The following PAMR1 variants were observed in gnomAD, a reference collection of about 807,000 sequenced individuals.
The protein encoded by PAMR1 is peptidase domain containing associated with muscle regeneration 1.
PAMR1 carries 88 observed loss-of-function variants against 81.8 expected under a neutral mutation model. The observed-to-expected ratio is 1.08, with a 90% CI of 0.91 to 1.28. PAMR1 has a LOEUF of 1.28. Among genes scored for constraint, PAMR1 ranks in the 50% most tolerant of loss-of-function variants. The pLI, the probability that PAMR1 is intolerant of heterozygous loss-of-function variation, is 0.00. For synonymous variants in PAMR1, 336 were observed against 345.3 expected (o/e 0.97, Z 0.30); for missense variants, 935 against 919.7 (o/e 1.02, Z -0.21).
At chr11:35,459,747 AG>A (rs140013437) in intron 6 of PAMR1, among the ~76,000 whole-genome samples, 3,027 of 152,300 alleles carry the variant, frequency 0.02, 117 homozygotes, top group African/African-American at 0.069. Flanking sequence ...AAGAAGCTGT[AG>A]CTGGAAACTG....
chr11:35,508,119 G>T (rs576646739), intron 1 of PAMR1, among the ~76,000 whole-genome samples: 6 of 152,296 alleles, frequency 3.9e-5, no homozygotes, highest in African/African-American at 1.4e-4. Flanking sequence ...GCTGTTGCCA[G>T]GGGTATTTTT....
chr11:35,508,030 G>T (rs765452924), intron 1 of PAMR1, among the ~76,000 whole-genome samples: 3 of 152,168 alleles, frequency 2.0e-5, no homozygotes, highest in Non-Finnish European at 4.4e-5. Flanking sequence ...CTCTGATTTG[G>T]TGTTTCTTTT....
At chr11:35,509,147 C>T (rs1378819633) in intron 1 of PAMR1, among the ~76,000 whole-genome samples, 1 of 152,188 alleles carries the variant, frequency 6.6e-6, no homozygotes, top group African/African-American at 2.4e-5. Flanking sequence ...AACTTTGTTC[C>T]TTCCCCTCTG....
intron 1 of PAMR1, among the ~76,000 whole-genome samples, chr11:35,510,744 T>C (rs1425529008): frequency 6.6e-6 from 1 of 152,256 alleles, no homozygotes; most frequent in Non-Finnish European, 1.5e-5. Flanking sequence ...ACGAACGTTT[T>C]CTCTTGGCAT....
At chr11:35,459,881 T>C (rs545940707) in intron 6 of PAMR1, among the ~76,000 whole-genome samples, 3 of 152,356 alleles carry the variant, frequency 2.0e-5, no homozygotes, top group African/African-American at 7.2e-5. Flanking sequence ...CAGTGCCTGG[T>C]ACCTCATAGA....
chr11:35,449,651 A>G (rs1233633231), intron 6 of PAMR1, among the ~76,000 whole-genome samples: 1 of 152,154 alleles, frequency 6.6e-6, no homozygotes, highest in Non-Finnish European at 1.5e-5. Flanking sequence ...GGCAGTCTCC[A>G]GCCTGCTGCC....
intron 8 of PAMR1, among the ~76,000 whole-genome samples, chr11:35,437,228 T>C (rs1381260903): frequency 6.6e-6 from 1 of 152,152 alleles, no homozygotes; most frequent in African/African-American, 2.4e-5. Context: ...CCTGAAAAGT[T>C]GAAAGTCCTT....
At chr11:35,520,330 A>G (rs627119) in intron 1 of PAMR1, among the ~76,000 whole-genome samples, 61,459 of 152,024 alleles carry the variant, frequency 0.4, 13,443 homozygotes, top group East Asian at 0.69. Context: ...TCAGAGATTA[A>G]TATCTCCAGC....
chr11:35,515,626 T>C (rs1365800133), intron 1 of PAMR1, among the ~76,000 whole-genome samples: 1 of 152,092 alleles, frequency 6.6e-6, no homozygotes, highest in African/African-American at 2.4e-5. Flanking sequence ...GTGTTTGGGG[T>C]GGAGCATCAT....
chr11:35,498,964 C>T (rs1850779120), intron 1 of PAMR1, among the ~76,000 whole-genome samples: 1 of 152,210 alleles, frequency 6.6e-6, no homozygotes, highest in Non-Finnish European at 1.5e-5. Flanking sequence ...TCTCATTTAC[C>T]TGCTGACTGT....
At chr11:35,493,182 TCCC>T (rs1850661587) in intron 2 of PAMR1, among the ~76,000 whole-genome samples, 1 of 152,128 alleles carries the variant, frequency 6.6e-6, no homozygotes, top group Non-Finnish European at 1.5e-5. Context: ...TTTATTAAGG[TCCC>T]CATTATTTCT....
chr11:35,447,816 G>A (rs1385250263), intron 6 of PAMR1, among the ~76,000 whole-genome samples: 1 of 152,124 alleles, frequency 6.6e-6, no homozygotes. Context: ...CTTCCTTCAG[G>A]AGCTCTTGCA....
At chr11:35,436,609 C>T (rs1856051471) in intron 8 of PAMR1, among the ~76,000 whole-genome samples, 1 of 151,864 alleles carries the variant, frequency 6.6e-6, no homozygotes, top group African/African-American at 2.4e-5. Flanking sequence ...CATTCTGTGT[C>T]TCTCTGTTTC....
At chr11:35,445,989 A>G (rs984519824) in intron 6 of PAMR1, among the ~76,000 whole-genome samples, 1 of 152,080 alleles carries the variant, frequency 6.6e-6, no homozygotes, top group Non-Finnish European at 1.5e-5. Context: ...GTAGGCTATT[A>G]ATTACTACCT....
At chr11:35,454,147 A>G (rs1046415929) in intron 6 of PAMR1, among the ~76,000 whole-genome samples, 1 of 152,196 alleles carries the variant, frequency 6.6e-6, no homozygotes, top group African/African-American at 2.4e-5. Flanking sequence ...TGAACACTTA[A>G]GTCTCCCAGA....
At chr11:35,438,069 T>TG (rs1200029980) in intron 8 of PAMR1, among the ~76,000 whole-genome samples, 1 of 152,208 alleles carries the variant, frequency 6.6e-6, no homozygotes, top group Non-Finnish European at 1.5e-5. Context: ...GAGAAATCAC[T>TG]GTCCGATGAA....
intron 1 of PAMR1, 33 bp from the exon 2 acceptor site, chr11:35,494,305 C>T: frequency 6.3e-7 from 1 of 1,575,844 alleles, no homozygotes. Flanking sequence ...GAGGCTAGGT[C>T]CTGGCAGGGA....
intron 6 of PAMR1, chr11:35,451,763 C>T (rs1856422566): frequency 1.9e-6 from 1 of 531,780 alleles, no homozygotes; most frequent in South Asian, 2.7e-5. Context: ...TAGATTAGTT[C>T]ATGAGGGTGG....
At chr11:35,481,504 C>G (rs986021205) in intron 3 of PAMR1, among the ~76,000 whole-genome samples, 3 of 117,836 alleles carry the variant, frequency 2.5e-5, no homozygotes, top group Non-Finnish European at 6.0e-5. Flanking sequence ...TAAATGTCTT[C>G]TTGTTTTGTT....
Sources: gnomAD v4.1 joint callset for allele counts (sites outside exome capture counted in the v4.1 genomes callset) on GRCh38, gnomAD v4.1.1 for gene constraint, MANE v1.5 for transcripts, NCBI Gene and HGNC (gene_info 2026-07-23, HGNC 2026-07-21) for gene names.